Variants in ISY1 observed in about 807,000 individuals in gnomAD.
The protein encoded by ISY1 is ISY1 spliceosome associated protein.
In ISY1, 12 loss-of-function variants were observed where a neutral mutation model predicts 54.4. The observed-to-expected ratio is 0.22, with a 90% CI of 0.14 to 0.36. The LOEUF (loss-of-function observed/expected upper bound fraction) is 0.36, where lower values mean the gene tolerates loss of function less well. ISY1 is among the 10% of genes least tolerant of loss of function. ISY1 has a pLI of 1.00. For synonymous variants in ISY1, 96 were observed against 117.9 expected (o/e 0.81, Z 1.20); for missense variants, 282 against 342.2 (o/e 0.82, Z 1.39).
At chr3:129,145,899 T>G in intron 5 of ISY1, 26 bp from the exon 6 acceptor site, 1 of 1,611,350 alleles carries the variant, frequency 6.2e-7, no homozygotes, top group South Asian at 1.1e-5. Flanking sequence ...GTTAACAATA[T>G]CATTCCATAA....
At position 129,130,043 on chromosome 3, in the gene ISY1, G is replaced by C; in HGVS notation, c.*38C>G. On this transcript the variant is annotated 3_prime_UTR_variant, in exon 11 of 11. Transcript: ENST00000393295. ...AGCCCTGGGTCCTGAGGTACCACTG[G>C]GGGATGGAAGAACTCCAAGGAGAGC... is the stretch of plus-strand genomic sequence containing the variant. The C allele has an allele frequency of 1.3e-6, 2 of 1,501,532 alleles. No individual in the cohort carries two copies. Among genetic ancestry groups the C allele is most frequent in the South Asian group, 1.3e-5 (1 of 76,058 alleles). 93.0% of individuals were successfully genotyped at this position (1,501,532 alleles called of 1,614,324 possible).
At chr3:129,141,707 T>C (rs1936622027) in intron 6 of ISY1, among the ~76,000 whole-genome samples, 1 of 151,352 alleles carries the variant, frequency 6.6e-6, no homozygotes, top group Admixed American at 6.6e-5. Context: ...TGAGCTGATA[T>C]CACACCACTG....
intron 5 of ISY1, among the ~76,000 whole-genome samples, chr3:129,154,834 G>A (rs934948557): frequency 4.6e-5 from 7 of 151,044 alleles, no homozygotes; most frequent in African/African-American, 1.2e-4. Flanking sequence ...GATTACAGGC[G>A]CCTGCCACCA....
intron 7 of ISY1, among the ~76,000 whole-genome samples, chr3:129,137,685 C>G (rs191112746): frequency 4.6e-5 from 7 of 151,780 alleles, no homozygotes; most frequent in African/African-American, 1.7e-4. Flanking sequence ...CCGAGGCGGG[C>G]GGATCACGAG....
intron 5 of ISY1, among the ~76,000 whole-genome samples, chr3:129,149,605 AAAAAAATAT>A (rs1289067661): frequency 1.1e-5 from 1 of 88,874 alleles, no homozygotes; most frequent in Non-Finnish European, 2.1e-5. Context: ...AAAAAAAAAA[AAAAAAATAT>A]ATATATATAT....
intron 4 of ISY1, 55 bp from the exon 5 acceptor site, chr3:129,156,730 G>C: frequency 1.3e-6 from 2 of 1,557,634 alleles, no homozygotes; most frequent in South Asian, 2.4e-5. Flanking sequence ...AGAAAGCACA[G>C]AAAAACTATA....
At chr3:129,149,973 CAA>C (rs200338338) in intron 5 of ISY1, among the ~76,000 whole-genome samples, 30 of 90,732 alleles carry the variant, frequency 3.3e-4, no homozygotes, top group African/African-American at 4.6e-4. Flanking sequence ...GGCTCTATCT[CAA>C]AAAAAAAAAA....
chr3:129,134,819 C>T lies in ISY1; in HGVS notation c.541+13G>A, dbSNP rs1304927912. ...ATGCCATCTATTATGAAATAAAATG[C>T]CCAGAGACCTACGTTTCTTTTCATA... On this transcript the variant is annotated intron_variant, in intron 8 of 10. Coordinates refer to ENST00000393295, the MANE Select transcript of ISY1 (RefSeq NM_020701.4). 1.9e-6 allele frequency: 3 copies of T among 1,600,028 alleles called. No homozygotes were observed. Among genetic ancestry groups the T allele is most frequent in the Admixed American group, 1.7e-5 (1 of 59,034 alleles).
intron 1 of ISY1, among the ~76,000 whole-genome samples, chr3:129,159,996 G>C (rs1055482339): frequency 6.6e-6 from 1 of 152,020 alleles, no homozygotes; most frequent in Non-Finnish European, 1.5e-5. Flanking sequence ...CAGTAATTTG[G>C]GATATACCTT....
Position 129,129,161 on chromosome 3 carries a change from G to A in ISY1, c.*920C>T, listed in dbSNP as rs1020833535. 1.3e-5 allele frequency: 2 copies of A among 152,296 alleles called. No homozygotes were observed. Among genetic ancestry groups the A allele is most frequent in the Admixed American group, 6.5e-5 (1 of 15,274 alleles). The allele number at this position is 152,296 out of a possible 1,614,324, so 9.4% of individuals were successfully genotyped here. On this transcript the variant is annotated 3_prime_UTR_variant, in exon 11 of 11. Coordinates refer to ENST00000393295, the MANE Select transcript of ISY1 (RefSeq NM_020701.4). ...GTCACCTCAGAGCCGTTGGCCCAGG[G>A]AACAAGCTGAAGACATGGAGGTTTC...
chr3:129,158,521 T>A lies in ISY1; in HGVS notation c.65A>T (p.Glu22Val). 6.2e-7 allele frequency: 1 copy of A among 1,613,994 alleles called. No homozygotes were observed. The highest frequency in any genetic ancestry group is 1.3e-5 in the African/African-American group (1 of 75,034). Reference protein sequence around the residue: ...LARFRQAQLEEGKVKERRPFL... With the variant: ...LARFRQAQLEVGKVKERRPFL... ...ATTTACACCAACCTTCACTTTTCCC[T>A]CTTCCAGCTGAGCCTGGCGAAATCT... Residue 22 changes from glutamate to valine, a missense_variant, in exon 3 of 11, where the codon GAG (glutamate) becomes GTG (valine). Around this residue, in one of 2 missense-constraint regions of ISY1, gnomAD observed 279 missense variants for 323.6 expected, o/e 0.86. Transcript: ENST00000393295.
intron 6 of ISY1, 104 bp from the exon 7 acceptor site, chr3:129,140,589 T>TA (rs1357340567): frequency 1.7e-5 from 21 of 1,258,628 alleles, no homozygotes; most frequent in Non-Finnish European, 2.3e-5. Flanking sequence ...CCCATTTATT[T>TA]ATTTGAGGTG....
intron 6 of ISY1, 80 bp downstream of exon 6, chr3:129,145,678 GACT>G: frequency 7.4e-7 from 1 of 1,345,334 alleles, no homozygotes; most frequent in Middle Eastern, 1.8e-4. Context: ...TGTATCAAGC[GACT>G]ACTATGGCAA....
At position 129,159,114 on chromosome 3, in the gene ISY1, G is replaced by A. The variant is rs770377893; in HGVS notation, c.26+40C>T. 7.5e-6 allele frequency: 12 copies of A among 1,601,276 alleles called. No homozygotes were observed. The East Asian group carries it at 8.9e-5, about 12-fold the overall frequency. ...CAAAGAGTTACATGGTGGTTTTTAAGTTACAAAAAATTTACAGCCAAAAAC... is the reference window on the plus strand; with the variant it reads ...CAAAGAGTTACATGGTGGTTTTTAAATTACAAAAAATTTACAGCCAAAAAC... On this transcript the variant is annotated intron_variant, in intron 2 of 10. Coordinates refer to ENST00000393295, the MANE Select transcript of ISY1 (RefSeq NM_020701.4).
intron 6 of ISY1, among the ~76,000 whole-genome samples, chr3:129,143,657 T>C (rs1217584644): frequency 6.6e-6 from 1 of 151,250 alleles, no homozygotes; most frequent in Non-Finnish European, 1.5e-5. Context: ...TATACTAATA[T>C]GTATTTTTTA....
At chr3:129,150,009 A>G (rs1936918763) in intron 5 of ISY1, among the ~76,000 whole-genome samples, 1 of 150,732 alleles carries the variant, frequency 6.6e-6, no homozygotes, top group South Asian at 2.1e-4. Flanking sequence ...TCAACTGACC[A>G]TTTATGTGTG....
chr3:129,147,058 CAAA>C (rs762063515), intron 5 of ISY1, among the ~76,000 whole-genome samples: 2 of 127,684 alleles, frequency 1.6e-5, no homozygotes, highest in African/African-American at 5.9e-5. Context: ...GACCGCCATT[CAAA>C]AAAAAAAAAA....
intron 5 of ISY1, among the ~76,000 whole-genome samples, chr3:129,153,009 CTTT>C (rs61374406): frequency 2.1e-4 from 23 of 111,696 alleles, no homozygotes; most frequent in Admixed American, 5.6e-4. Context: ...TTCTTTCCAT[CTTT>C]TTTTTTTTTT....
chr3:129,152,947 C>T (rs1937021939), intron 5 of ISY1, among the ~76,000 whole-genome samples: 1 of 151,682 alleles, frequency 6.6e-6, no homozygotes, highest in Admixed American at 6.6e-5. Flanking sequence ...ACCAGTGAAG[C>T]CATCTGGGTC....
Sources: gnomAD v4.1 joint callset for allele counts (sites outside exome capture counted in the v4.1 genomes callset) on GRCh38, gnomAD v4.1.1 for gene constraint, gnomAD v4.1.1 regional missense constraint, MANE v1.5 for transcripts, NCBI Gene and HGNC (gene_info 2026-07-23, HGNC 2026-07-21) for gene names.